Variants in KTN1 observed in about 807,000 individuals in gnomAD.
KTN1 encodes kinectin.
In KTN1, 130 loss-of-function variants were observed where a neutral mutation model predicts 222.5. The ratio of observed to expected loss-of-function variants is 0.58; its 90% CI spans 0.51 to 0.68. KTN1 has a LOEUF of 0.68. KTN1 is among the 30% of genes least tolerant of loss of function. The pLI is 0.00. For missense variants in KTN1, 1,508 were observed against 1,500.4 expected (o/e 1.01, Z -0.08); for synonymous variants, 512 against 496.3 (o/e 1.03, Z -0.42).
intron 6 of KTN1, among the ~76,000 whole-genome samples, chr14:55,629,511 G>A (rs77676035): frequency 0.077 from 11,559 of 150,188 alleles, 494 homozygotes; most frequent in South Asian, 0.11. Flanking sequence ...CTTTGACTCT[G>A]CTATAGACAT....
intron 24 of KTN1, chr14:55,651,455 C>T: frequency 2.3e-6 from 1 of 439,278 alleles, no homozygotes. Context: ...GCCTTGAAAA[C>T]TGGGATGGAG....
At chr14:55,662,932 C>T (rs2044309429) in intron 32 of KTN1, 1 of 456,102 alleles carries the variant, frequency 2.2e-6, no homozygotes, top group Non-Finnish European at 4.4e-6. Flanking sequence ...GCAGCAGCAG[C>T]AGCGCTGGAG....
chr14:55,599,525 C>T (rs1252253677), intron 1 of KTN1, among the ~76,000 whole-genome samples: 2 of 151,854 alleles, frequency 1.3e-5, no homozygotes, highest in East Asian at 1.9e-4. Flanking sequence ...AGTGCAGTGG[C>T]GCAATCTTGG....
At chr14:55,632,470 C>T (rs1464699188) in intron 7 of KTN1, among the ~76,000 whole-genome samples, 1 of 152,068 alleles carries the variant, frequency 6.6e-6, no homozygotes, top group Non-Finnish European at 1.5e-5. Context: ...TCTTTAGATT[C>T]TTTAATCCAA....
rs116839964 is a variant in KTN1 at position 55,631,748 on chromosome 14, G to C, written c.1222-1487G>C. 9.1e-3 allele frequency among the ~76,000 whole-genome samples: 1,378 copies of C among 152,240 alleles called. 9 individuals carry two copies. The highest frequency in any genetic ancestry group is 0.024 in the South Asian group (118 of 4,826). On this transcript the variant is annotated intron_variant, in intron 7 of 43. Transcript: ENST00000395314. ...GCCATGATCACACTATTGCACTGCA[G>C]CCTGGGTGACAGGGTGAGACCCTGT...
Position 55,671,807 on chromosome 14 carries a change from A to C in KTN1, c.3461A>C (p.Gln1154Pro). Reference protein sequence around the residue: ...AETEGILQKLQRSVEQEENKW... With the variant: ...AETEGILQKLPRSVEQEENKW... ...TAGGAAGGAATTTTACAGAAGCTAC[A>C]GAGAAGTGTTGAGCAAGAAGAAAAT... is the stretch of plus-strand genomic sequence containing the variant. Residue 1154 changes from glutamine (Q) to proline (P), a missense_variant, in exon 37 of 44, where the codon CAG becomes CCG. Transcript: ENST00000395314. The C allele has an allele frequency of 6.2e-7, 1 of 1,610,982 alleles. No homozygotes were observed. The highest frequency in any genetic ancestry group is 8.5e-7 in the Non-Finnish European group (1 of 1,177,270).
chr14:55,680,496 G>C (rs2046267099), intron 43 of KTN1: 2 of 395,976 alleles, frequency 5.1e-6, no homozygotes, highest in Non-Finnish European at 1.0e-5. Context: ...TTCTTTTGAA[G>C]ATATTTTCTC....
chr14:55,590,544 TTTTC>T (rs2033920115), intron 1 of KTN1, among the ~76,000 whole-genome samples: 1 of 152,316 alleles, frequency 6.6e-6, no homozygotes, highest in African/African-American at 2.4e-5. Flanking sequence ...TTACCTTTGC[TTTTC>T]TTTTAGTTTT....
In KTN1 at chr14:55,656,083, T is replaced by C. The variant is rs2141168935; in HGVS notation, c.2843T>C (p.Met948Thr). 6.2e-7 allele frequency: 1 copy of C among 1,611,740 alleles called. No homozygotes were observed. The highest frequency in any genetic ancestry group is 8.5e-7 in the Non-Finnish European group (1 of 1,178,200). The change falls in exon 29 of 44, where the codon ATG becomes ACG. Residue 948 changes from methionine (M) to threonine (T), a missense_variant. Transcript: ENST00000395314. ...KENELKRLEA[M>T]LKERESDLSS... ...AATGAATTGAAGAGGTTAGAAGCCA[T>C]GCTAAAAGAGAGGGAGAGTGATCTT...
intron 1 of KTN1, among the ~76,000 whole-genome samples, chr14:55,580,562 G>A (rs1470978060): frequency 6.6e-6 from 1 of 151,374 alleles, no homozygotes; most frequent in East Asian, 1.9e-4. Flanking sequence ...GCCGCAGGGG[G>A]CGGGCTCGGA....
intron 1 of KTN1, among the ~76,000 whole-genome samples, chr14:55,597,151 G>A (rs2035187144): frequency 6.6e-6 from 1 of 152,142 alleles, no homozygotes; most frequent in Non-Finnish European, 1.5e-5. Context: ...ACAACATTGT[G>A]CGTTGGACTC....
intron 5 of KTN1, among the ~76,000 whole-genome samples, 172 bp downstream of exon 5, chr14:55,619,484 G>A (rs142602709): frequency 2.2e-4 from 34 of 152,168 alleles, no homozygotes; most frequent in African/African-American, 7.2e-4. Context: ...TTTTCATGCC[G>A]CTGATAAAGA....
At chr14:55,587,920 T>C (rs1354395008) in intron 1 of KTN1, among the ~76,000 whole-genome samples, 2 of 152,208 alleles carry the variant, frequency 1.3e-5, no homozygotes, top group Admixed American at 6.5e-5. Flanking sequence ...CTCTTTTTTT[T>C]CTTTTAGTCT....
chr14:55,626,061 G>A (rs1315474021), intron 5 of KTN1, among the ~76,000 whole-genome samples: 2 of 152,088 alleles, frequency 1.3e-5, no homozygotes, highest in Non-Finnish European at 1.5e-5. Context: ...CTTGGACACA[G>A]TATGCCTTTT....
intron 1 of KTN1, among the ~76,000 whole-genome samples, chr14:55,587,571 A>C (rs889378768): frequency 6.6e-6 from 1 of 152,126 alleles, no homozygotes. Context: ...TAATATCCAC[A>C]CAGGTTGAAT....
chr14:55,615,277 C>T (rs1266687151), intron 2 of KTN1, among the ~76,000 whole-genome samples: 1 of 152,070 alleles, frequency 6.6e-6, no homozygotes, highest in Non-Finnish European at 1.5e-5. Flanking sequence ...ATATAATCAT[C>T]ACCACTAGCC....
intron 41 of KTN1, among the ~76,000 whole-genome samples, chr14:55,676,811 A>AAT (rs1440661847): frequency 6.6e-6 from 1 of 152,166 alleles, no homozygotes; most frequent in African/African-American, 2.4e-5. Flanking sequence ...TTGTTATGTA[A>AAT]AAGTCTAGGA....
At chr14:55,592,568 C>G (rs1012879150) in intron 1 of KTN1, among the ~76,000 whole-genome samples, 2 of 152,112 alleles carry the variant, frequency 1.3e-5, no homozygotes, top group Admixed American at 1.3e-4. Flanking sequence ...CTGTGTGTGT[C>G]CTTAAACCAA....
At chr14:55,583,812 C>T (rs566371654) in intron 1 of KTN1, among the ~76,000 whole-genome samples, 47 of 152,246 alleles carry the variant, frequency 3.1e-4, no homozygotes, top group Admixed American at 1.5e-3. Context: ...ACTAAATTTC[C>T]GTATTTTTCC....
Sources: allele counts gnomAD v4.1 joint callset (sites outside exome capture counted in the v4.1 genomes callset), GRCh38; gene constraint gnomAD v4.1.1; transcripts MANE v1.5; gene names NCBI Gene and HGNC (gene_info 2026-07-23, HGNC 2026-07-21).